SLC66A1: variants seen among roughly 807,000 people sequenced by gnomAD.
SLC66A1 encodes the protein solute carrier family 66 member 1.
A neutral mutation model predicts 33.0 loss-of-function variants in SLC66A1; 23 were observed. The observed-to-expected ratio is 0.70, with a 90% CI of 0.50 to 0.99. The LOEUF is 0.99. SLC66A1 is among the 50% of genes least tolerant of loss of function. The probability of loss-of-function intolerance (pLI) is 0.00; values close to 1 mark genes in which losing one functional copy is unlikely to be tolerated. For synonymous variants in SLC66A1, 164 were observed against 175.5 expected (o/e 0.93, Z 0.52); for missense variants, 335 against 383.6 (o/e 0.87, Z 1.06).
At position 19,328,744 on chromosome 1, in the gene SLC66A1, C is replaced by T. The variant is rs948084703; in HGVS notation, c.*101C>T. ...GGTACGGCGGCCCTGCATCAGCCTG[C>T]GGGTGGCCTCTGGATCCTCCGTGGA... On this transcript the variant is annotated 3_prime_UTR_variant, in exon 8 of 8. Coordinates refer to ENST00000375153, the MANE Select transcript of SLC66A1 (RefSeq NM_001040125.2). The surrounding 1 kb of genome is among the most constrained non-coding windows in gnomAD (Gnocchi z 4.7). The T allele has an allele frequency of 5.7e-5, 74 of 1,309,156 alleles. No individual in the cohort carries two copies. Among genetic ancestry groups the T allele is most frequent in the Middle Eastern group, 2.1e-4 (1 of 4,658 alleles). The allele number at this position is 1,309,156 out of a possible 1,614,324, so 81.1% of individuals were successfully genotyped here. A position where few individuals can be genotyped will look rare whatever the true frequency, so the allele number is the denominator to read the frequency against.
At chr1:19,321,119 C>G (rs2093834754) in intron 2 of SLC66A1, among the ~76,000 whole-genome samples, 1 of 144,910 alleles carries the variant, frequency 6.9e-6, no homozygotes, top group East Asian at 2.0e-4. Flanking sequence ...GGTGTCATAT[C>G]TAAGAAACCA....
chr1:19,327,580 C>CAGGAGGTGTGCA, intron 7 of SLC66A1, 168 bp downstream of exon 7: 4 of 876,336 alleles, frequency 4.6e-6, no homozygotes, highest in Non-Finnish European at 7.5e-6. Context: ...GTCGTGCACA[C>CAGGAGGTGTGCA]CTCCTGTGTG....
At chr1:19,316,610 G>C (rs2093807242) in intron 1 of SLC66A1, among the ~76,000 whole-genome samples, 2 of 151,860 alleles carry the variant, frequency 1.3e-5, no homozygotes, top group African/African-American at 2.4e-5. Context: ...CGAACTCCTG[G>C]GCTCAAGTAA....
chr1:19,325,348 C>T (rs889938568), intron 3 of SLC66A1, 147 bp from the exon 4 acceptor site: 6 of 620,884 alleles, frequency 9.7e-6, no homozygotes, highest in South Asian at 3.9e-5. Context: ...ACTGGGAGTT[C>T]TTCCTTGCCA....
chr1:19,320,282 T>A (rs1233453283), intron 2 of SLC66A1, among the ~76,000 whole-genome samples: 1 of 152,148 alleles, frequency 6.6e-6, no homozygotes, highest in Non-Finnish European at 1.5e-5. Context: ...GGGTCCTATG[T>A]TAACTCTAAG....
intron 2 of SLC66A1, among the ~76,000 whole-genome samples, chr1:19,322,231 A>G (rs2093841620): frequency 6.6e-6 from 1 of 150,398 alleles, no homozygotes; most frequent in African/African-American, 2.5e-5. Context: ...CGGGGGCGGG[A>G]GGCTCCCTGT....
At chr1:19,333,934 A>AAAACAAAACC (rs768462126), downstream of SLC66A1, among the ~76,000 whole-genome samples, 21 of 89,176 alleles carry the variant, frequency 2.4e-4, no homozygotes, top group Non-Finnish European at 2.7e-4. This position sits in a 1 kb window ranked among gnomAD's most constrained non-coding sequence, Gnocchi z 4.2. Context: ...AAAACAAAAC[A>AAAACAAAACC]AAACACAGGA....
At position 19,328,564 on chromosome 1, in the gene SLC66A1, A is replaced by G. The variant is rs374286051; in HGVS notation, c.805-8A>G. On this transcript the variant is annotated splice_polypyrimidine_tract_variant and splice_region_variant and intron_variant, in intron 7 of 7. Coordinates refer to ENST00000375153, the MANE Select transcript of SLC66A1 (RefSeq NM_001040125.2). This position sits in a 1 kb window ranked among gnomAD's most constrained non-coding sequence, Gnocchi z 4.7. ...TGCTCAGCTTGGCCTTAACGGCGGC[A>G]CCCCCAGATCTCCATCCAGTTCCTG... 6 of 1,612,100 alleles carry G rather than the reference A, an allele frequency of 3.7e-6. No homozygotes were observed. The African/African-American group carries it at 8.0e-5, about 22-fold the overall frequency.
rs74347523 is a variant in SLC66A1 at position 19,325,641 on chromosome 1, G to GTGC, written c.382+59_382+60insTGC. On this transcript the variant is annotated intron_variant, in intron 4 of 7. Coordinates refer to ENST00000375153, the MANE Select transcript of SLC66A1 (RefSeq NM_001040125.2). ...TACCAGCAGCAGGGGGCAGTTGTGG[G>GTGC]GGGGGGCGCCTGGAGTGTGGGAGGA... 3 of 1,058,838 alleles carry GTGC rather than the reference G, an allele frequency of 2.8e-6. No individual in the cohort carries two copies. In the South Asian group the frequency reaches 4.1e-5, roughly 15 times the overall value. The allele number at this position is 1,058,838 out of a possible 1,614,324, so 65.6% of individuals were successfully genotyped here. A position where few individuals can be genotyped will look rare whatever the true frequency, so the allele number is the denominator to read the frequency against.
intron 2 of SLC66A1, among the ~76,000 whole-genome samples, chr1:19,319,603 A>G (rs372808131): frequency 1.6e-4 from 8 of 51,070 alleles, no homozygotes; most frequent in Admixed American, 1.3e-3. Flanking sequence ...GTGCACATTC[A>G]TGTTTTTTTT....
At chr1:19,327,696 C>A in intron 7 of SLC66A1, 1 of 614,432 alleles carries the variant, frequency 1.6e-6, no homozygotes. Flanking sequence ...ACGCTATCAT[C>A]AAAGAATTAC....
Position 19,324,860 on chromosome 1 carries a change from C to T in SLC66A1, c.294+98C>T, listed in dbSNP as rs557772665. ...CCAGGCTCTTTGGCCCGCCTGGTCT[C>T]CAGAACCCTGACCCGTCATTCCATC... On this transcript the variant is annotated intron_variant, in intron 3 of 7. Transcript: ENST00000375153. 4.0e-5 allele frequency: 58 copies of T among 1,464,330 alleles called. No homozygotes were observed. The African/African-American group carries it at 7.4e-4, about 19-fold the overall frequency. The allele number at this position is 1,464,330 out of a possible 1,614,324, so 90.7% of individuals were successfully genotyped here. A position where few individuals can be genotyped will look rare whatever the true frequency, so the allele number is the denominator to read the frequency against.
In SLC66A1 at chr1:19,312,369, C is replaced by G. The variant is rs939530819; in HGVS notation, c.-599C>G. ...GCGGATCTGGACGTGGTGAGCCGGA[C>G]CGGGGGCAGGTGGCAAACTTCACGG... On this transcript the variant is annotated 5_prime_UTR_variant, in exon 1 of 8. Transcript: ENST00000375153. The G allele has an allele frequency of 3.3e-5, 8 of 245,610 alleles. No individual in the cohort carries two copies. The highest frequency in any genetic ancestry group is 6.1e-5 in the Non-Finnish European group (8 of 130,800). 15.2% of individuals were successfully genotyped at this position (245,610 alleles called of 1,614,324 possible).
chr1:19,326,757 T>A, intron 6 of SLC66A1, 134 bp downstream of exon 6: 1 of 972,734 alleles, frequency 1.0e-6, no homozygotes, highest in Non-Finnish European at 1.5e-6. Flanking sequence ...GCTGTTGGCT[T>A]GGGCAAGTTA....
intron 1 of SLC66A1, among the ~76,000 whole-genome samples, chr1:19,316,721 C>T (rs1032724853): frequency 6.6e-6 from 1 of 151,732 alleles, no homozygotes; most frequent in Non-Finnish European, 1.5e-5. Context: ...GGCTGGAGTG[C>T]ATTGGTGTGA....
chr1:19,324,415 A>G (rs1222238909), intron 2 of SLC66A1, among the ~76,000 whole-genome samples: 1 of 152,226 alleles, frequency 6.6e-6, no homozygotes, highest in Admixed American at 6.5e-5. Flanking sequence ...GCACAGCCGT[A>G]GAGTCCTCGG....
chr1:19,322,155 C>T (rs550868801), intron 2 of SLC66A1, among the ~76,000 whole-genome samples: 2 of 150,326 alleles, frequency 1.3e-5, no homozygotes, highest in South Asian at 4.2e-4. Flanking sequence ...CAGCAAGCAT[C>T]AGTGGTGGGG....
chr1:19,323,309 G>C (rs1216591861), intron 2 of SLC66A1, among the ~76,000 whole-genome samples: 1 of 152,222 alleles, frequency 6.6e-6, no homozygotes, highest in Non-Finnish European at 1.5e-5. Context: ...AGGGAGGCAG[G>C]TGGAAGGACT....
intron 4 of SLC66A1, 92 bp from the exon 5 acceptor site, chr1:19,326,153 C>T (rs2093864865): frequency 7.8e-6 from 10 of 1,276,528 alleles, no homozygotes; most frequent in East Asian, 2.3e-5. Flanking sequence ...GTCACACAGC[C>T]CCTGAGGGGC....
Sources: gnomAD v4.1 joint callset for allele counts (sites outside exome capture counted in the v4.1 genomes callset) on GRCh38, gnomAD v4.1.1 for gene constraint, Gnocchi (gnomAD v3.1) non-coding constraint, MANE v1.5 for transcripts, NCBI Gene and HGNC (gene_info 2026-07-23, HGNC 2026-07-21) for gene names.